Variants in DLAT observed in about 807,000 individuals in gnomAD.
DLAT encodes dihydrolipoamide S-acetyltransferase.
Under a neutral mutation model 68.0 loss-of-function variants are expected in DLAT, and 43 were observed. That is an observed-to-expected ratio of 0.63 (90% confidence interval 0.50 to 0.81). The LOEUF (loss-of-function observed/expected upper bound fraction) is 0.81, where lower values mean the gene tolerates loss of function less well. Among genes scored for constraint, DLAT ranks in the 40% least tolerant of loss-of-function variants. The probability of loss-of-function intolerance (pLI) is 0.00; values close to 1 mark genes in which losing one functional copy is unlikely to be tolerated. For synonymous variants in DLAT, 265 were observed against 288.6 expected (o/e 0.92, Z 0.83); for missense variants, 745 against 815.4 (o/e 0.91, Z 1.05).
intron 12 of DLAT, among the ~76,000 whole-genome samples, chr11:112,060,301 C>T (rs1387827225): frequency 1.3e-5 from 2 of 151,672 alleles, no homozygotes; most frequent in African/African-American, 4.8e-5. Flanking sequence ...GCTGGGACTA[C>T]AGGCACCTGC....
rs12800504 is a variant in DLAT, at chr11:112,036,153, A to G, written c.788-1120A>G. The stretch of plus-strand genomic sequence containing the variant: ...TATATATGTGTGTGTATATATATAT[A>G]TGTGTGTGTATATATGTGTGTGTGT... On this transcript the variant is annotated intron_variant, in intron 5 of 13. Transcript: ENST00000280346. 4.6e-3 allele frequency among the ~76,000 whole-genome samples: 589 copies of G among 127,378 alleles called. 2 individuals are homozygous for G. Among genetic ancestry groups the G allele is most frequent in the Non-Finnish European group, 6.9e-3 (433 of 62,362 alleles). The allele number at this position is 127,378 out of a possible 152,430, so 83.6% of individuals were successfully genotyped here.
chr11:112,051,363 G>A lies in DLAT; in HGVS notation c.1514+14G>A. ...AGTTATAAGACAGTAAGTATAACTGGGGAAGATATATATCCATCGGTAGTT... is the reference window on the plus strand; with the variant it reads ...AGTTATAAGACAGTAAGTATAACTGAGGAAGATATATATCCATCGGTAGTT... On this transcript the variant is annotated intron_variant, in intron 11 of 13. Coordinates refer to ENST00000280346, the MANE Select transcript of DLAT (RefSeq NM_001931.5). This position sits in a 1 kb window ranked among gnomAD's most constrained non-coding sequence, Gnocchi z 4.3. 6.5e-7 allele frequency: 1 copy of A among 1,529,820 alleles called. No individual in the cohort carries two copies. The allele number at this position is 1,529,820 out of a possible 1,614,324, so 94.8% of individuals were successfully genotyped here.
chr11:112,053,545 C>T (rs1320883794), intron 11 of DLAT, among the ~76,000 whole-genome samples: 2 of 151,988 alleles, frequency 1.3e-5, no homozygotes, highest in African/African-American at 2.4e-5. Context: ...CTCCGCCTCC[C>T]GAGTTCAAGC....
At chr11:112,037,718 C>G (rs372395192) in intron 6 of DLAT, among the ~76,000 whole-genome samples, 1 of 151,112 alleles carries the variant, frequency 6.6e-6, no homozygotes, top group Non-Finnish European at 1.5e-5. Flanking sequence ...GTGACATGTT[C>G]TCTTTCTGCT....
At chr11:112,026,654 T>G (rs1862032930) in intron 2 of DLAT, among the ~76,000 whole-genome samples, 1 of 152,182 alleles carries the variant, frequency 6.6e-6, no homozygotes, top group Admixed American at 6.5e-5. Context: ...AGGTCACAGA[T>G]CAACAGGATA....
intron 10 of DLAT, among the ~76,000 whole-genome samples, chr11:112,048,956 C>A (rs1330516737): frequency 8.4e-6 from 1 of 118,812 alleles, no homozygotes; most frequent in Admixed American, 8.4e-5. Flanking sequence ...CATCTTTGTT[C>A]TTTTTTCTCA....
intron 5 of DLAT, among the ~76,000 whole-genome samples, chr11:112,034,555 G>A (rs1407200488): frequency 6.6e-6 from 1 of 151,428 alleles, no homozygotes; most frequent in African/African-American, 2.4e-5. Flanking sequence ...CCATTCTCCT[G>A]CCTCAGCCTC....
intron 11 of DLAT, among the ~76,000 whole-genome samples, chr11:112,055,535 C>T (rs782514823): frequency 6.6e-5 from 10 of 151,970 alleles, no homozygotes; most frequent in Non-Finnish European, 7.4e-5. Flanking sequence ...TGAGCCACCG[C>T]GCCCGGCCAA....
In DLAT at chr11:112,037,763, C is replaced by T. The variant is rs587770343; in HGVS notation, c.975+303C>T. 4.2e-3 allele frequency among the ~76,000 whole-genome samples: 574 copies of T among 137,372 alleles called. 2 individuals are homozygous for T. The highest frequency in any genetic ancestry group is 0.015 in the African/African-American group (528 of 35,526). The allele number at this position is 137,372 out of a possible 152,430, so 90.1% of individuals were successfully genotyped here. A position where few individuals can be genotyped will look rare whatever the true frequency, so the allele number is the denominator to read the frequency against. On this transcript the variant is annotated intron_variant, in intron 6 of 13. Transcript: ENST00000280346. The stretch of plus-strand genomic sequence containing the variant: ...GATACCATGCTTGTGGAAAGTAAGG[C>T]TTCATTGCCCCACCCTTTTTTTTTT...
chr11:112,030,167 C>T, intron 4 of DLAT: 3 of 650,530 alleles, frequency 4.6e-6, no homozygotes, highest in Non-Finnish European at 8.7e-6. Flanking sequence ...CCTTTATGAC[C>T]CTGTGGAAAG....
At position 112,033,466 on chromosome 11, in the gene DLAT, A is replaced by T; in HGVS notation, c.723A>T (p.Lys241Asn). ...TMGTVQRWEKKVGEKLSEGDL... is the reference protein window; with the variant it reads ...TMGTVQRWEKNVGEKLSEGDL... ...GCACAGTTCAGAGATGGGAAAAAAA[A>T]GTGGGTGAGAAGCTAAGTGAAGGAG... The change falls in exon 5 of 14, where the codon AAA becomes AAT. Residue 241 changes from lysine (K) to asparagine (N), a missense_variant. Physicochemically the swap from Lys to Asn is moderately conservative, Grantham distance 94. Transcript: ENST00000280346. The T allele has an allele frequency of 6.2e-7, 1 of 1,613,878 alleles. No individual in the cohort carries two copies. Among genetic ancestry groups the T allele is most frequent in the Non-Finnish European group, 8.5e-7 (1 of 1,179,894 alleles).
chr11:112,035,592 G>A (rs1209839741), intron 5 of DLAT, among the ~76,000 whole-genome samples: 5 of 150,506 alleles, frequency 3.3e-5, no homozygotes, highest in South Asian at 2.1e-4. Context: ...GGGTTCAAGC[G>A]ATTCTCCTGC....
At chr11:112,048,940 G>GT (rs1592698982) in intron 10 of DLAT, among the ~76,000 whole-genome samples, 1 of 147,226 alleles carries the variant, frequency 6.8e-6, no homozygotes, top group East Asian at 2.0e-4. Flanking sequence ...ATCAGGAAAC[G>GT]TGAGTCATCT....
chr11:112,058,053 T>G (rs1423716776), intron 11 of DLAT, among the ~76,000 whole-genome samples: 2 of 152,212 alleles, frequency 1.3e-5, no homozygotes, highest in Non-Finnish European at 1.5e-5. Context: ...GGTCTGGAAC[T>G]GAACCTGGAA....
chr11:112,064,293 TAA>T lies in DLAT; in HGVS notation c.*1760_*1761del. 7.6e-7 allele frequency: 1 copy of T among 1,316,946 alleles called. No homozygotes were observed. Among genetic ancestry groups the T allele is most frequent in the Non-Finnish European group, 1.0e-6 (1 of 976,624 alleles). 81.6% of individuals were successfully genotyped at this position (1,316,946 alleles called of 1,614,324 possible). On this transcript the variant is annotated 3_prime_UTR_variant, in exon 14 of 14. Transcript: ENST00000280346. ...TTAAAAATTAATCTGAGCTATAATCTAAATCGATTCAGTCTCTTACCAGAACT... is the reference window on the plus strand; with the variant it reads ...TTAAAAATTAATCTGAGCTATAATCTATCGATTCAGTCTCTTACCAGAACT...
chr11:112,038,291 C>T (rs1167318425), intron 6 of DLAT, among the ~76,000 whole-genome samples: 2 of 151,906 alleles, frequency 1.3e-5, no homozygotes, highest in South Asian at 2.1e-4. Context: ...CTATGCCTCC[C>T]GGGTTCAAGC....
chr11:112,042,633 A>G (rs1863105521), intron 7 of DLAT, among the ~76,000 whole-genome samples: 1 of 152,212 alleles, frequency 6.6e-6, no homozygotes, highest in Non-Finnish European at 1.5e-5. Context: ...CTAAATTCTG[A>G]ATCTCCGTAG....
chr11:112,054,628 T>C (rs1460824311), intron 11 of DLAT, among the ~76,000 whole-genome samples: 1 of 152,252 alleles, frequency 6.6e-6, no homozygotes, highest in Non-Finnish European at 1.5e-5. Flanking sequence ...TCCTTGGTCA[T>C]TCTTCATTTG....
In DLAT at chr11:112,033,496, A is replaced by G. The variant is rs201257054; in HGVS notation, c.753A>G (p.Leu251=). 6.2e-7 allele frequency: 1 copy of G among 1,613,966 alleles called. No individual in the cohort carries two copies. Residue 251 remains leucine, a synonymous_variant, in exon 5 of 14, where the codon TTA becomes TTG. Transcript: ENST00000280346. ...GTGAGAAGCTAAGTGAAGGAGACTTACTGGCAGAGATAGAAACTGACAAAG... is the reference window on the plus strand; with the variant it reads ...GTGAGAAGCTAAGTGAAGGAGACTTGCTGGCAGAGATAGAAACTGACAAAG... The part of the protein sequence containing the change: ...KVGEKLSEGD[L]LAEIETDKAT...
Sources: allele counts gnomAD v4.1 joint callset (sites outside exome capture counted in the v4.1 genomes callset), GRCh38; gene constraint gnomAD v4.1.1; non-coding constraint Gnocchi (gnomAD v3.1); transcripts MANE v1.5; gene names NCBI Gene and HGNC (gene_info 2026-07-23, HGNC 2026-07-21).